Variants in VHL observed in about 807,000 individuals in gnomAD.
VHL encodes von Hippel-Lindau tumor suppressor, also known as von Hippel-Lindau disease tumor suppressor.
In VHL, 10 loss-of-function variants were observed where a neutral mutation model predicts 19.2. The ratio of observed to expected loss-of-function variants is 0.52; its 90% confidence interval spans 0.32 to 0.89. The LOEUF (loss-of-function observed/expected upper bound fraction) is 0.89, where lower values mean the gene tolerates loss of function less well. Among genes scored for constraint, VHL ranks in the 40% least tolerant of loss-of-function variants. The pLI is 0.03. For synonymous variants in VHL, 167 were observed against 129.5 expected (o/e 1.29, Z -1.97); for missense variants, 328 against 292.7 (o/e 1.12, Z -0.88).
In VHL at chr3:10,149,815, G is replaced by C. The variant is rs1352275281; in HGVS notation, c.492G>C (p.Gln164His). ...PVYTLKERCL[Q>H]VVRSLVKPEN... is the part of the protein sequence containing the mutation. Reference sequence around the variant, plus strand: ...ATACTCTGAAAGAGCGATGCCTCCAGGTTGTCCGGAGCCTAGTCAAGCCTG... The same window carrying C: ...ATACTCTGAAAGAGCGATGCCTCCACGTTGTCCGGAGCCTAGTCAAGCCTG... The change falls in exon 3 of 3, where the codon CAG becomes CAC. Residue 164 changes from glutamine (Q) to histidine (H), a missense_variant. Physicochemically the swap from Gln to His is conservative, Grantham distance 24 (BLOSUM62 0). Transcript: ENST00000256474. The C allele has an allele frequency of 1.2e-6, 2 of 1,614,148 alleles. No individual in the cohort carries two copies. Among genetic ancestry groups the C allele is most frequent in the Admixed American group, 3.3e-5 (2 of 60,010 alleles).
Position 10,152,481 on chromosome 3 carries a change from CTTTTTTTTTTT to C in VHL, c.*2535_*2545del, listed in dbSNP as rs71052299. Among the ~76,000 whole-genome samples, 4 of 64,454 alleles carry C rather than the reference CTTTTTTTTTTT, an allele frequency of 6.2e-5. No individual in the cohort carries two copies. The highest frequency in any genetic ancestry group is 2.6e-4 in the African/African-American group (4 of 15,538). 42.3% of individuals were successfully genotyped at this position (64,454 alleles called of 152,430 possible). On this transcript the variant is annotated 3_prime_UTR_variant, in exon 3 of 3. Transcript: ENST00000256474. ...CTCCTTTCAACATTCAACAAATAGT[CTTTTTTTTTTT>C]TTTTTTTTTTTTTTTTTTGAGATGG... is the stretch of plus-strand genomic sequence containing the variant.
At chr3:10,147,420 A>G (rs1696289521) in intron 2 of VHL, among the ~76,000 whole-genome samples, 1 of 150,332 alleles carries the variant, frequency 6.7e-6, no homozygotes, top group Admixed American at 6.7e-5. Flanking sequence ...GCTGGAGTGC[A>G]GTGGTGCGAT....
chr3:10,146,596 T>C lies in VHL; in HGVS notation c.423T>C (p.Asn141=). The C allele has an allele frequency of 6.2e-7, 1 of 1,614,058 alleles. No homozygotes were observed. The highest frequency in any genetic ancestry group is 1.1e-5 in the South Asian group (1 of 91,088). Residue 141 remains asparagine, a synonymous_variant, in exon 2 of 3, where the codon AAT becomes AAC. Coordinates refer to ENST00000256474, the MANE Select transcript of VHL (RefSeq NM_000551.4). Reference sequence around the variant, plus strand: ...CTGAATTATTTGTGCCATCTCTCAATGTTGACGGACAGCCTATTTTTGCCA... The same window carrying C: ...CTGAATTATTTGTGCCATCTCTCAACGTTGACGGACAGCCTATTTTTGCCA... ...NQTELFVPSL[N]VDGQPIFANI...
rs746582207 is a variant in VHL, at chr3:10,142,029, C to T, written c.182C>T (p.Pro61Leu). The change falls in exon 1 of 3, where the codon CCC becomes CTC. Residue 61 changes from proline to leucine, a missense_variant. Transcript: ENST00000256474. ...EEEMEAGRPR[P>L]VLRSVNSREP... ...GAGATGGAGGCCGGGCGGCCGCGGC[C>T]CGTGCTGCGCTCGGTGAACTCGCGC... 3.8e-6 allele frequency: 6 copies of T among 1,598,158 alleles called. No individual in the cohort carries two copies. The South Asian group carries it at 4.5e-5, about 12-fold the overall frequency.
rs61758376 is a variant in VHL at position 10,142,192 on chromosome 3, G to A, written c.340+5G>A. ...GCCGCATCCACAGCTACCGAGGTAC[G>A]GGCCCGGCGCTTAGGCCCGACCCAG... On this transcript the variant is annotated splice_donor_5th_base_variant and intron_variant, in intron 1 of 2. Transcript: ENST00000256474. The A allele has an allele frequency of 4.4e-6, 7 of 1,597,012 alleles. No individual in the cohort carries two copies. The highest frequency in any genetic ancestry group is 5.9e-6 in the Non-Finnish European group (7 of 1,179,104).
In VHL at chr3:10,142,201, G is replaced by T. The variant is rs1057523480; in HGVS notation, c.340+14G>T. The T allele has an allele frequency of 1.9e-6, 3 of 1,594,936 alleles. No homozygotes were observed. The highest frequency in any genetic ancestry group is 2.5e-6 in the Non-Finnish European group (3 of 1,178,344). The stretch of plus-strand genomic sequence containing the variant: ...ACAGCTACCGAGGTACGGGCCCGGC[G>T]CTTAGGCCCGACCCAGCAGGGACGA... On this transcript the variant is annotated intron_variant, in intron 1 of 2. Transcript: ENST00000256474.
In VHL at chr3:10,141,901, A is replaced by G. The variant is rs1305687580; in HGVS notation, c.54A>G (p.Ala18=). ...AGGCCGAGGTAGGCGCGGAGGAGGCAGGCGTCGAAGAGTACGGCCCTGAAG... is the reference window on the plus strand; with the variant it reads ...AGGCCGAGGTAGGCGCGGAGGAGGCGGGCGTCGAAGAGTACGGCCCTGAAG... ...WDEAEVGAEE[A]GVEEYGPEED... Residue 18 remains alanine (A), a synonymous_variant, in exon 1 of 3, where the codon GCA becomes GCG. Transcript: ENST00000256474. The G allele has an allele frequency of 6.5e-7, 1 of 1,532,490 alleles. No homozygotes were observed. The highest frequency in any genetic ancestry group is 8.8e-7 in the Non-Finnish European group (1 of 1,137,334). 94.9% of individuals were successfully genotyped at this position (1,532,490 alleles called of 1,614,324 possible).
intron 1 of VHL, chr3:10,142,481 G>A (rs1192226423): frequency 2.3e-6 from 1 of 443,640 alleles, no homozygotes; most frequent in Admixed American, 4.2e-5. Flanking sequence ...GAGTAGCTGG[G>A]ATTACAGGCG....
In VHL at chr3:10,153,120, T is replaced by C. The variant is rs1241192815; in HGVS notation, c.*3155T>C. ...GTGAAACCCCGTCTCTATTAAAAAA[T>C]AGAAAAAATTAGGCGGGCGTGGTGG... On this transcript the variant is annotated 3_prime_UTR_variant, in exon 3 of 3. Coordinates refer to ENST00000256474, the MANE Select transcript of VHL (RefSeq NM_000551.4). Among the ~76,000 whole-genome samples the C allele has an allele frequency of 1.3e-5, 2 of 151,832 alleles. No individual in the cohort carries two copies. Among genetic ancestry groups the C allele is most frequent in the Admixed American group, 6.6e-5 (1 of 15,244 alleles).
intron 2 of VHL, among the ~76,000 whole-genome samples, chr3:10,147,987 T>G (rs1696304983): frequency 6.6e-6 from 1 of 151,902 alleles, no homozygotes; most frequent in Non-Finnish European, 1.5e-5. Flanking sequence ...TCACAGCTAT[T>G]TGGGAGGCTT....
At chr3:10,146,442 G>A (rs561953435) in intron 1 of VHL, 72 bp from the exon 2 acceptor site, 1 of 1,602,184 alleles carries the variant, frequency 6.2e-7, no homozygotes, top group Non-Finnish European at 8.5e-7. Flanking sequence ...CCAAAGTGCT[G>A]GGATTACAGG....
In VHL at chr3:10,151,236, G is replaced by C. The variant is rs918646151; in HGVS notation, c.*1271G>C. The C allele has an allele frequency of 4.9e-6, 1 of 204,600 alleles. No homozygotes were observed. Among genetic ancestry groups the C allele is most frequent in the Non-Finnish European group, 1.0e-5 (1 of 99,962 alleles). The allele number at this position is 204,600 out of a possible 1,614,324, so 12.7% of individuals were successfully genotyped here. ...GGTGGCACTTCCACCTCCAGCCTCTGGTCCTACCAATGGATTCATGGAGTA... is the reference window on the plus strand; with the variant it reads ...GGTGGCACTTCCACCTCCAGCCTCTCGTCCTACCAATGGATTCATGGAGTA... On this transcript the variant is annotated 3_prime_UTR_variant, in exon 3 of 3. Coordinates refer to ENST00000256474, the MANE Select transcript of VHL (RefSeq NM_000551.4).
chr3:10,144,793 G>A lies in VHL; in HGVS notation c.341-1721G>A, dbSNP rs922856129. On this transcript the variant is annotated intron_variant, in intron 1 of 2. Transcript: ENST00000256474. ...TTTTTATTATACTTTAAGTTCTAGG[G>A]TACATGTGCACAACGTGCAGGTTTG... 2.6e-5 allele frequency among the ~76,000 whole-genome samples: 4 copies of A among 151,458 alleles called. No individual in the cohort carries two copies. In the Admixed American group the frequency reaches 2.6e-4, roughly 10 times the overall value.
At position 10,149,994 on chromosome 3, in the gene VHL, A is replaced by C. The variant is rs758765633; in HGVS notation, c.*29A>C. On this transcript the variant is annotated 3_prime_UTR_variant, in exon 3 of 3. Coordinates refer to ENST00000256474, the MANE Select transcript of VHL (RefSeq NM_000551.4). ...TTTCTGTTGAAACTTACACTGTTTC[A>C]TCTCAGCTTTTGATGGTACTGATGA... 6 of 1,603,756 alleles carry C rather than the reference A, an allele frequency of 3.7e-6. No homozygotes were observed. Among genetic ancestry groups the C allele is most frequent in the Non-Finnish European group, 5.1e-6 (6 of 1,174,990 alleles).
In VHL at chr3:10,153,142, G is replaced by A. The variant is rs1696458071; in HGVS notation, c.*3177G>A. Among the ~76,000 whole-genome samples, 1 of 152,166 alleles carries A rather than the reference G, an allele frequency of 6.6e-6. No individual in the cohort carries two copies. Among genetic ancestry groups the A allele is most frequent in the African/African-American group, 2.4e-5 (1 of 41,446 alleles). On this transcript the variant is annotated 3_prime_UTR_variant, in exon 3 of 3. Coordinates refer to ENST00000256474, the MANE Select transcript of VHL (RefSeq NM_000551.4). ...AAATAGAAAAAATTAGGCGGGCGTG[G>A]TGGTGAGCGCCTGTAGTCCCAGCTA...
intron 2 of VHL, among the ~76,000 whole-genome samples, chr3:10,147,975 G>A (rs1420449882): frequency 6.6e-6 from 1 of 151,826 alleles, no homozygotes; most frequent in Admixed American, 6.6e-5. Context: ...ATATGCCTGT[G>A]GTCACAGCTA....
chr3:10,142,568 A>C, intron 1 of VHL: 1 of 249,816 alleles, frequency 4.0e-6, no homozygotes, highest in Non-Finnish European at 7.9e-6. Flanking sequence ...CTGGTCTCGA[A>C]CTGCTGACCT....
rs1014417508 is a variant in VHL, at chr3:10,141,853, C to G, written c.6C>G (p.Pro2=). The G allele has an allele frequency of 1.3e-6, 2 of 1,535,696 alleles. No homozygotes were observed. The change falls in exon 1 of 3, where the codon CCC becomes CCG. Residue 2 remains proline, a synonymous_variant. Coordinates refer to ENST00000256474, the MANE Select transcript of VHL (RefSeq NM_000551.4). Reference sequence around the variant, plus strand: ...TGGTCTGGATCGCGGAGGGAATGCCCCGGAGGGCGGAGAACTGGGACGAGG... The same window carrying G: ...TGGTCTGGATCGCGGAGGGAATGCCGCGGAGGGCGGAGAACTGGGACGAGG... M[P]RRAENWDEAE...
At position 10,141,797 on chromosome 3, in the gene VHL, G is replaced by C. The variant is rs916012789; in HGVS notation, c.-51G>C. Reference sequence around the variant, plus strand: ...GCGCACGCAGCTCCGCCCCGCGTCCGACCCGCGGATCCCGCGGCGTCCGGC... The same window carrying C: ...GCGCACGCAGCTCCGCCCCGCGTCCCACCCGCGGATCCCGCGGCGTCCGGC... On this transcript the variant is annotated 5_prime_UTR_variant, in exon 1 of 3. Coordinates refer to ENST00000256474, the MANE Select transcript of VHL (RefSeq NM_000551.4). 6.5e-7 allele frequency: 1 copy of C among 1,533,754 alleles called. No individual in the cohort carries two copies. The highest frequency in any genetic ancestry group is 8.8e-7 in the Non-Finnish European group (1 of 1,138,332).
Sources: allele counts gnomAD v4.1 joint callset (sites outside exome capture counted in the v4.1 genomes callset), GRCh38; gene constraint gnomAD v4.1.1; transcripts MANE v1.5; gene names NCBI Gene and HGNC (gene_info 2026-07-23, HGNC 2026-07-21).